Variants in NOX5 observed in about 807,000 individuals in gnomAD.
NOX5 encodes the protein NADPH oxidase 5, also known as NADPH oxidase, EF-hand calcium binding domain 5.
Under a neutral mutation model 85.7 loss-of-function variants are expected in NOX5, and 76 were observed. That is an observed-to-expected ratio of 0.89 (90% CI 0.74 to 1.07). The LOEUF (loss-of-function observed/expected upper bound fraction) is 1.07. Among genes scored for constraint, NOX5 ranks in the 50% least tolerant of loss-of-function variants. NOX5 has a pLI of 0.00. For synonymous variants in NOX5, 405 were observed against 401.4 expected, an observed-to-expected ratio of 1.01 and a Z score of -0.11; for missense variants, 973 against 999.5, an observed-to-expected ratio of 0.97 and a Z score of 0.36.
chr15:69,024,696 T>TA (rs2050334688), intron 1 of NOX5, among the ~76,000 whole-genome samples: 1 of 152,182 alleles, frequency 6.6e-6, no homozygotes, highest in Admixed American at 6.5e-5. Flanking sequence ...AACTTTATCA[T>TA]AAGTATGTAT....
In NOX5 at chr15:69,038,902, C is replaced by T; in HGVS notation, c.1417C>T (p.Pro473Ser). The change falls in exon 9 of 16, where the codon CCT becomes TCT. Residue 473 changes from proline (P) to serine (S), a missense_variant. Transcript: ENST00000388866. ...GCGGCCCCCTTTTTTTCACTATAGACCTGGTGACTACTTGTATCTGAACAT... is the reference window on the plus strand; with the variant it reads ...GCGGCCCCCTTTTTTTCACTATAGATCTGGTGACTACTTGTATCTGAACAT... Reference protein sequence around the residue: ...IKRPPFFHYRPGDYLYLNIPT... With the variant: ...IKRPPFFHYRSGDYLYLNIPT... The T allele has an allele frequency of 6.2e-7, 1 of 1,614,086 alleles. No homozygotes were observed. Among genetic ancestry groups the T allele is most frequent in the Non-Finnish European group, 8.5e-7 (1 of 1,179,992 alleles).
chr15:69,019,563 T>C (rs2050273744), intron 1 of NOX5, among the ~76,000 whole-genome samples: 1 of 152,222 alleles, frequency 6.6e-6, no homozygotes, highest in African/African-American at 2.4e-5. Context: ...TCAATCATAC[T>C]GAGGCGTAAA....
In NOX5 at chr15:69,033,055, G is replaced by A. The variant is rs756548721; in HGVS notation, c.633G>A (p.Trp211Ter). 2 of 1,554,654 alleles carry A rather than the reference G, an allele frequency of 1.3e-6. No individual in the cohort carries two copies. ...MENLTISAAHWLTAPAPRPRP... is the reference protein window; with the variant it reads ...MENLTISAAH ...GCCTCTCTCGCAGCGCTGCCCACTGGCTGACGGCCCCCGCCCCCCGCCCAC... is the reference window on the plus strand; with the variant it reads ...GCCTCTCTCGCAGCGCTGCCCACTGACTGACGGCCCCCGCCCCCCGCCCAC... Residue 211 changes from tryptophan (W) to a stop codon, truncating the protein, a stop_gained, in exon 5 of 16, where the codon TGG (tryptophan) becomes TGA (stop). Transcript: ENST00000388866. LOFTEE classifies it high-confidence loss of function.
At chr15:69,019,708 G>A (rs183778670) in intron 1 of NOX5, among the ~76,000 whole-genome samples, 2 of 152,310 alleles carry the variant, frequency 1.3e-5, no homozygotes, top group Admixed American at 6.5e-5. Context: ...TATAGATAAC[G>A]TGGGCGGGCT....
In NOX5 at chr15:69,057,171, CT is replaced by C. The variant is rs2050823497; in HGVS notation, c.*476del. ...TGAACAGTGTTACCTACTTTCTAGA[CT>C]CCTCAGTTAATAATTTGCTCTGTTT... is the stretch of plus-strand genomic sequence containing the variant. On this transcript the variant is annotated 3_prime_UTR_variant, in exon 16 of 16. Transcript: ENST00000388866. 2 of 154,944 alleles carry C rather than the reference CT, an allele frequency of 1.3e-5. No individual in the cohort carries two copies. Among genetic ancestry groups the C allele is most frequent in the African/African-American group, 4.8e-5 (2 of 41,470 alleles). The allele number at this position is 154,944 out of a possible 1,614,324, so 9.6% of individuals were successfully genotyped here. A position where few individuals can be genotyped will look rare whatever the true frequency, so the allele number is the denominator to read the frequency against.
chr15:69,039,797 C>T (rs2050571624), intron 9 of NOX5, among the ~76,000 whole-genome samples: 1 of 152,208 alleles, frequency 6.6e-6, no homozygotes, highest in East Asian at 1.9e-4. Flanking sequence ...CTGACTCTCA[C>T]CCGTGCACGT....
intron 10 of NOX5, among the ~76,000 whole-genome samples, chr15:69,044,025 AAC>A (rs1023442845): frequency 1.9e-4 from 29 of 152,106 alleles, no homozygotes; most frequent in Non-Finnish European, 4.4e-5. Context: ...CTCTACTAAA[AAC>A]ACAAAAATTA....
intron 7 of NOX5, among the ~76,000 whole-genome samples, chr15:69,036,731 G>C (rs2050521103): frequency 6.6e-6 from 1 of 152,136 alleles, no homozygotes; most frequent in East Asian, 1.9e-4. Context: ...ATGGGTCGGG[G>C]GTAGCGATAC....
At chr15:69,025,174 G>C (rs2050341354) in intron 1 of NOX5, among the ~76,000 whole-genome samples, 1 of 152,138 alleles carries the variant, frequency 6.6e-6, no homozygotes, top group Admixed American at 6.5e-5. Flanking sequence ...TTTTATGTGT[G>C]TTTCTATTTA....
At chr15:69,039,753 G>GA (rs2050571165) in intron 9 of NOX5, among the ~76,000 whole-genome samples, 1 of 152,176 alleles carries the variant, frequency 6.6e-6, no homozygotes, top group Non-Finnish European at 1.5e-5. Context: ...AGCACACACA[G>GA]AACAGTTCAG....
chr15:69,037,249 AC>A (rs2050532784), intron 8 of NOX5, 39 bp downstream of exon 8: 1 of 1,570,144 alleles, frequency 6.4e-7, no homozygotes, highest in African/African-American at 1.4e-5. Flanking sequence ...TTTCCAACTC[AC>A]CCCAAGGGAC....
At chr15:69,037,456 C>T (rs2050537329) in intron 8 of NOX5, 1 of 514,934 alleles carries the variant, frequency 1.9e-6, no homozygotes, top group Admixed American at 3.3e-5. Context: ...GGAGAACAGT[C>T]TCCTTCAGCT....
At chr15:69,018,163 A>C (rs933058602) in intron 1 of NOX5, among the ~76,000 whole-genome samples, 1 of 151,910 alleles carries the variant, frequency 6.6e-6, no homozygotes, top group African/African-American at 2.4e-5. Context: ...GGGAAACTCC[A>C]ACTCCCATTT....
Position 69,046,883 on chromosome 15 carries a change from G to T in NOX5, c.1692+17G>T, listed in dbSNP as rs747088430. 2.5e-6 allele frequency: 4 copies of T among 1,613,168 alleles called. No homozygotes were observed. Among genetic ancestry groups the T allele is most frequent in the Non-Finnish European group, 3.4e-6 (4 of 1,179,234 alleles). ...AACATCAAGGTGAGAGGCTGCAGGG[G>T]TGGACGTGAGCAATAATGCCTGCCC... On this transcript the variant is annotated intron_variant, in intron 11 of 15. Transcript: ENST00000388866.
Position 69,015,173 on chromosome 15 carries a change from A to G in NOX5, c.50+388A>G, listed in dbSNP as rs190509533. 7.4e-3 allele frequency among the ~76,000 whole-genome samples: 1,131 copies of G among 152,240 alleles called. 7 individuals carry two copies. The highest frequency in any genetic ancestry group is 9.1e-3 in the Non-Finnish European group (618 of 68,016). ...ACCTAAAATCCTGGTCTCCTGGGGT[A>G]AATTCTGGCCTCTGGTGAGCACATT... On this transcript the variant is annotated intron_variant, in intron 1 of 15. Coordinates refer to ENST00000388866, the MANE Select transcript of NOX5 (RefSeq NM_024505.4).
At chr15:69,054,986 G>A (rs2050793172) in intron 14 of NOX5, among the ~76,000 whole-genome samples, 1 of 152,170 alleles carries the variant, frequency 6.6e-6, no homozygotes, top group Non-Finnish European at 1.5e-5. Context: ...CACTTTGGGA[G>A]GCTGAGGCGG....
chr15:69,032,851 G>A lies in NOX5; in HGVS notation c.621-192G>A, dbSNP rs1205203796. Among the ~76,000 whole-genome samples, 3 of 152,276 alleles carry A rather than the reference G, an allele frequency of 2.0e-5. No individual in the cohort carries two copies. In the East Asian group the frequency reaches 5.8e-4, roughly 29 times the overall value. ...CGGTGGTTGTGGCATTAGGCAGACC[G>A]GAGTCCCCTTTCAGCTCCGCGGAGC... is the stretch of plus-strand genomic sequence containing the variant. On this transcript the variant is annotated intron_variant, in intron 4 of 15. Transcript: ENST00000388866.
chr15:69,055,195 A>T, intron 14 of NOX5, 139 bp from the exon 15 acceptor site: 1 of 839,484 alleles, frequency 1.2e-6, no homozygotes, highest in Non-Finnish European at 1.8e-6. Context: ...TCTCCATGGC[A>T]CTGGTTACAC....
At chr15:69,015,784 T>C (rs311886) in intron 1 of NOX5, among the ~76,000 whole-genome samples, 133,269 of 152,064 alleles carry the variant, frequency 0.88, 59,189 homozygotes, top group Non-Finnish European at 0.96. Context: ...CAGTGGGAGG[T>C]GTGAATGTCT....
Sources: allele counts gnomAD v4.1 joint callset (sites outside exome capture counted in the v4.1 genomes callset), GRCh38; gene constraint gnomAD v4.1.1; transcripts MANE v1.5; gene names NCBI Gene and HGNC (gene_info 2026-07-23, HGNC 2026-07-21).